Variants in ARHGEF10L observed in about 807,000 individuals in gnomAD.
ARHGEF10L encodes the protein Rho guanine nucleotide exchange factor 10 like.
In ARHGEF10L, 69 loss-of-function variants were observed where a neutral mutation model predicts 141.2. The ratio of observed to expected loss-of-function variants is 0.49; its 90% CI spans 0.40 to 0.60. The LOEUF is 0.60. Ranked by LOEUF, ARHGEF10L falls within the 20% of genes least tolerant of loss-of-function variation. ARHGEF10L has a pLI of 0.00. For synonymous variants in ARHGEF10L, 711 were observed against 718.5 expected, an observed-to-expected ratio of 0.99 and a Z score of 0.17; for missense variants, 1,482 against 1,734.3, an observed-to-expected ratio of 0.85 and a Z score of 2.58.
chr1:17,527,082 A>G, the ARHGEF10L span, among the ~76,000 whole-genome samples: 2 of 152,100 alleles, frequency 1.3e-5, no homozygotes, highest in African/African-American at 4.8e-5. Flanking sequence ...TGTTCTGGAA[A>G]CTACAAAACT....
chr1:17,525,392 C>G, the ARHGEF10L span, among the ~76,000 whole-genome samples: 1 of 152,228 alleles, frequency 6.6e-6, no homozygotes, highest in Non-Finnish European at 1.5e-5. Context: ...AGCCAGGAGG[C>G]TGCCTCTGCT....
the ARHGEF10L span, among the ~76,000 whole-genome samples, chr1:17,520,981 G>A: frequency 6.6e-6 from 1 of 152,178 alleles, no homozygotes; most frequent in Non-Finnish European, 1.5e-5. Context: ...GTTCCAGGCT[G>A]TTTCCCCCTG....
chr1:17,632,800 C>A (rs573151661), intron 16 of ARHGEF10L, among the ~76,000 whole-genome samples: 1 of 152,316 alleles, frequency 6.6e-6, no homozygotes, highest in East Asian at 1.9e-4. Flanking sequence ...TACCCCAGAT[C>A]CCTGCGGCTT....
At chr1:17,690,764 T>A (rs925246620) in intron 27 of ARHGEF10L, among the ~76,000 whole-genome samples, 2 of 152,194 alleles carry the variant, frequency 1.3e-5, no homozygotes, top group Non-Finnish European at 2.9e-5. Context: ...AGTGGCTCCC[T>A]GAGCTCCAAG....
the ARHGEF10L span, among the ~76,000 whole-genome samples, chr1:17,524,090 A>G: frequency 2.0e-5 from 3 of 152,146 alleles, no homozygotes; most frequent in South Asian, 2.1e-4. Flanking sequence ...CCTGGTGAAC[A>G]TGGCGAAACC....
chr1:17,567,466 A>G (rs962145536), intron 1 of ARHGEF10L, among the ~76,000 whole-genome samples: 2 of 152,152 alleles, frequency 1.3e-5, no homozygotes, highest in African/African-American at 4.8e-5. Flanking sequence ...TCCCAGGTTC[A>G]AGCGATGCTC....
At chr1:17,522,306 A>G in the ARHGEF10L span, among the ~76,000 whole-genome samples, 283 of 152,344 alleles carry the variant, frequency 1.9e-3, no homozygotes, top group Non-Finnish European at 3.2e-3. Flanking sequence ...GGTGTTGGAC[A>G]GTTTACAAAG....
Position 17,656,481 on chromosome 1 carries a change from G to T in ARHGEF10L, c.2706-73G>T. ...TCAGCTCCCTGGGGCCCTCTCCCTA[G>T]GAGGGCATGGGGGCAGTGAGTGGGT... On this transcript the variant is annotated intron_variant, in intron 24 of 28. Transcript: ENST00000361221. The surrounding 1 kb of genome is among the most constrained non-coding windows in gnomAD (Gnocchi z 4.9). The T allele has an allele frequency of 6.5e-7, 1 of 1,536,134 alleles. No individual in the cohort carries two copies. The highest frequency in any genetic ancestry group is 1.2e-5 in the South Asian group (1 of 80,706).
At chr1:17,650,051 T>C (rs192845545) in intron 22 of ARHGEF10L, among the ~76,000 whole-genome samples, 3 of 152,218 alleles carry the variant, frequency 2.0e-5, no homozygotes, top group African/African-American at 7.2e-5. Context: ...ACTAGCACAA[T>C]TTGATATATA....
At chr1:17,609,904 C>T (rs1405497906) in intron 7 of ARHGEF10L, among the ~76,000 whole-genome samples, 1 of 152,098 alleles carries the variant, frequency 6.6e-6, no homozygotes, top group African/African-American at 2.4e-5. Context: ...CCCCACTCCC[C>T]CCAGTAGCCT....
intron 1 of ARHGEF10L, among the ~76,000 whole-genome samples, chr1:17,543,442 G>A (rs1192899411): frequency 6.6e-6 from 1 of 151,954 alleles, no homozygotes; most frequent in Non-Finnish European, 1.5e-5. Flanking sequence ...AATTAGCTGG[G>A]TGTGGTGGCC....
intron 26 of ARHGEF10L, among the ~76,000 whole-genome samples, chr1:17,681,989 T>TAA (rs66630305): frequency 4.0e-5 from 6 of 148,482 alleles, no homozygotes; most frequent in Non-Finnish European, 6.0e-5. Flanking sequence ...TTCCTAGATT[T>TAA]AAAAAAAAAA....
chr1:17,613,073 A>T lies in ARHGEF10L; in HGVS notation c.625A>T (p.Thr209Ser), dbSNP rs746163620. 6.2e-7 allele frequency: 1 copy of T among 1,613,840 alleles called. No individual in the cohort carries two copies. The highest frequency in any genetic ancestry group is 1.1e-5 in the South Asian group (1 of 91,014). The change falls in exon 8 of 29, where the codon ACT becomes TCT. Residue 209 changes from threonine (T) to serine (S), a missense_variant. By Grantham distance (58) the Thr-to-Ser change is moderately conservative. This residue lies in a region of ARHGEF10L where 392 missense variants were observed against 542.1 expected (regional missense o/e 0.72). Transcript: ENST00000361221. ...GGGGCTCCAGCTTTCTCCAGACCTG[A>T]CTAGGCTAAAGGAGAGATACGCCAG... ...SFQPKLSPDL[T>S]RLKERYARTK...
In ARHGEF10L at chr1:17,615,966, C is replaced by G; in HGVS notation, c.727-128C>G. On this transcript the variant is annotated intron_variant, in intron 8 of 28. Coordinates refer to ENST00000361221, the MANE Select transcript of ARHGEF10L (RefSeq NM_018125.4). This position sits in a 1 kb window ranked among gnomAD's most constrained non-coding sequence, Gnocchi z 4.7. ...CACTGTCGTCCTTGGCCTTTGCTCACGGACCTGGGAGGGAAGGGTCTGGGT... is the reference window on the plus strand; with the variant it reads ...CACTGTCGTCCTTGGCCTTTGCTCAGGGACCTGGGAGGGAAGGGTCTGGGT... The G allele has an allele frequency of 1.4e-6, 1 of 738,294 alleles. No homozygotes were observed. The highest frequency in any genetic ancestry group is 1.7e-5 in the South Asian group (1 of 60,122). The allele number at this position is 738,294 out of a possible 1,614,324, so 45.7% of individuals were successfully genotyped here. A position where few individuals can be genotyped will look rare whatever the true frequency, so the allele number is the denominator to read the frequency against.
rs551164343 is a variant in ARHGEF10L, at chr1:17,661,171, G to A, written c.2861-3276G>A. On this transcript the variant is annotated intron_variant, in intron 25 of 28. Coordinates refer to ENST00000361221, the MANE Select transcript of ARHGEF10L (RefSeq NM_018125.4). The stretch of plus-strand genomic sequence containing the variant: ...CACTCCACTGCAACCTTGGCCTCCC[G>A]GGTTCAAGTGATTCTCCTGCCTCAG... 2.6e-4 allele frequency among the ~76,000 whole-genome samples: 40 copies of A among 152,152 alleles called. No individual in the cohort carries two copies. The East Asian group carries it at 3.5e-3, about 13-fold the overall frequency.
intron 2 of ARHGEF10L, among the ~76,000 whole-genome samples, chr1:17,581,719 G>A (rs2100529664): frequency 6.6e-6 from 1 of 152,290 alleles, no homozygotes; most frequent in East Asian, 1.9e-4. Flanking sequence ...CTGTTGCAAG[G>A]TTTAAATATA....
intron 25 of ARHGEF10L, among the ~76,000 whole-genome samples, chr1:17,662,933 G>A (rs1163759952): frequency 6.6e-6 from 1 of 152,138 alleles, no homozygotes; most frequent in Non-Finnish European, 1.5e-5. Flanking sequence ...AGCTAGCTGT[G>A]TCCTGCCTTC....
chr1:17,518,811 A>C, the ARHGEF10L span, among the ~76,000 whole-genome samples: 1 of 116,662 alleles, frequency 8.6e-6, no homozygotes, highest in East Asian at 3.5e-4. Flanking sequence ...TCAAAAAAAA[A>C]AAAAAAAAAA....
chr1:17,613,471 A>G (rs995032694), intron 8 of ARHGEF10L, among the ~76,000 whole-genome samples: 8 of 152,170 alleles, frequency 5.3e-5, no homozygotes, highest in African/African-American at 9.7e-5. Context: ...GACCCTTGCA[A>G]TCACCTGGGG....
Sources: gnomAD v4.1 joint callset for allele counts (sites outside exome capture counted in the v4.1 genomes callset) on GRCh38, gnomAD v4.1.1 for gene constraint, gnomAD v4.1.1 regional missense constraint, Gnocchi (gnomAD v3.1) non-coding constraint, MANE v1.5 for transcripts, NCBI Gene and HGNC (gene_info 2026-07-23, HGNC 2026-07-21) for gene names.